Variants in ATAD3A observed in about 807,000 individuals in gnomAD.
ATAD3A encodes ATPase family AAA domain containing 3A, also known as ATPase family AAA domain-containing protein 3A.
A neutral mutation model predicts 73.8 loss-of-function variants in ATAD3A; 46 were observed. The observed-to-expected ratio is 0.62, with a 90% CI of 0.49 to 0.80. The LOEUF (loss-of-function observed/expected upper bound fraction) is 0.80, where lower values mean the gene tolerates loss of function less well. Ranked by LOEUF, ATAD3A falls within the 30% of genes least tolerant of loss-of-function variation. The pLI, the probability that ATAD3A is intolerant of heterozygous loss-of-function variation, is 0.00. For missense variants in ATAD3A, 705 were observed against 838.0 expected (o/e 0.84, Z 1.96); for synonymous variants, 319 against 350.0 (o/e 0.91, Z 0.99).
At chr1:1,522,646 C>T in intron 7 of ATAD3A, 98 bp from the exon 8 acceptor site, 2 of 1,568,142 alleles carry the variant, frequency 1.3e-6, no homozygotes, top group Non-Finnish European at 1.7e-6. Context: ...GTGCTTCTCC[C>T]TCGGGCGGAG....
Position 1,527,876 on chromosome 1 carries a change from C to T in ATAD3A, c.1505+14C>T. On this transcript the variant is annotated intron_variant, in intron 14 of 15. Coordinates refer to ENST00000378756, the MANE Select transcript of ATAD3A (RefSeq NM_001170535.3). ...AGAAGGAAAGCAGTAAGTGTCCCGCCCCACCAGCCCCCGTCCAGGGGCCCT... is the reference window on the plus strand; with the variant it reads ...AGAAGGAAAGCAGTAAGTGTCCCGCTCCACCAGCCCCCGTCCAGGGGCCCT... The T allele has an allele frequency of 6.2e-7, 1 of 1,607,600 alleles. No homozygotes were observed. The highest frequency in any genetic ancestry group is 8.5e-7 in the Non-Finnish European group (1 of 1,176,038).
At position 1,512,225 on chromosome 1, in the gene ATAD3A, C is replaced by T. The variant is rs756278855; in HGVS notation, c.-44C>T. 3.2e-5 allele frequency: 41 copies of T among 1,265,774 alleles called. No individual in the cohort carries two copies. The highest frequency in any genetic ancestry group is 3.8e-5 in the Non-Finnish European group (38 of 1,002,074). 78.4% of individuals were successfully genotyped at this position (1,265,774 alleles called of 1,614,324 possible). On this transcript the variant is annotated 5_prime_UTR_variant, in exon 1 of 16. Transcript: ENST00000378756. ...CTCCCAGCCGCGCGCGAGTCAGACT[C>T]GGGTGGGGGTCCCGGCGGCGGTAGC... is the stretch of plus-strand genomic sequence containing the variant.
Position 1,522,891 on chromosome 1 carries a change from C to T in ATAD3A, c.898C>T (p.Pro300Ser), listed in dbSNP as rs767383255. 1 of 1,608,074 alleles carries T rather than the reference C, an allele frequency of 6.2e-7. No homozygotes were observed. The change falls in exon 8 of 16, where the codon CCC becomes TCC. Residue 300 changes from proline to serine, a missense_variant. Physicochemically the swap from Pro to Ser is moderately conservative, Grantham distance 74 (BLOSUM62 -1). Around this residue, in one of 5 missense-constraint regions of ATAD3A, gnomAD observed 315 missense variants for 334.1 expected, o/e 0.94. Transcript: ENST00000378756. ...RITVLEALRH[P>S]IQVSRRLLSR... is the part of the protein sequence containing the mutation. ...CACGGTGCTTGAGGCGCTGCGGCAC[C>T]CCATCCAGGTAGCAGCGCAGGCCTG...
rs1383567790 is a variant in ATAD3A at position 1,520,928 on chromosome 1, C to T, written c.750+311C>T. On this transcript the variant is annotated intron_variant, in intron 7 of 15. Transcript: ENST00000378756. This position sits in a 1 kb window ranked among gnomAD's most constrained non-coding sequence, Gnocchi z 4.0. ...CTGAGGTAGGAGGATCACTTAAGCC[C>T]AGGGAGGTTGCAGCTGCACTGAGCT... Among the ~76,000 whole-genome samples, 2 of 152,238 alleles carry T rather than the reference C, an allele frequency of 1.3e-5. No individual in the cohort carries two copies. The highest frequency in any genetic ancestry group is 2.4e-5 in the African/African-American group (1 of 41,550).
In ATAD3A at chr1:1,517,313, G is replaced by T; in HGVS notation, c.285G>T (p.Glu95Asp). 1 of 1,546,600 alleles carries T rather than the reference G, an allele frequency of 6.5e-7. No individual in the cohort carries two copies. Among genetic ancestry groups the T allele is most frequent in the Non-Finnish European group, 8.7e-7 (1 of 1,146,664 alleles). ...LQLEQQSKLK[E>D]YEAAVEQLKS... is the part of the protein sequence containing the mutation. ...CTGGTGAGTGCTGTGCTCTGCAGGAGTATGAGGCCGCCGTGGAGCAGCTCA... is the reference window on the plus strand; with the variant it reads ...CTGGTGAGTGCTGTGCTCTGCAGGATTATGAGGCCGCCGTGGAGCAGCTCA... Residue 95 changes from glutamate to aspartate, a missense_variant and splice_region_variant, in exon 3 of 16, where the codon GAG becomes GAT. Glu to Asp is a conservative substitution (Grantham distance 45). Transcript: ENST00000378756.
chr1:1,525,173 G>T, intron 11 of ATAD3A, 67 bp from the exon 12 acceptor site: 1 of 1,607,316 alleles, frequency 6.2e-7, no homozygotes, highest in Non-Finnish European at 8.5e-7. Context: ...TCCTGCCGCG[G>T]CCGGACGCTG....
chr1:1,530,526 T>G (rs1641997269), intron 15 of ATAD3A, among the ~76,000 whole-genome samples: 1 of 145,232 alleles, frequency 6.9e-6, no homozygotes, highest in African/African-American at 2.8e-5. Context: ...AGCAAGACCC[T>G]GTCTTAAAAA....
intron 1 of ATAD3A, among the ~76,000 whole-genome samples, chr1:1,512,975 G>A (rs1476596630): frequency 6.6e-6 from 1 of 152,238 alleles, no homozygotes; most frequent in Admixed American, 6.5e-5. Context: ...CGAGGTCTGT[G>A]AAGCCACAGG....
chr1:1,522,982 T>C, intron 8 of ATAD3A, 83 bp downstream of exon 8: 1 of 1,539,848 alleles, frequency 6.5e-7, no homozygotes, highest in Non-Finnish European at 8.8e-7. Flanking sequence ...ACGCACACCC[T>C]CCCGTCCCTT....
At chr1:1,515,532 G>GT (rs1641327206) in intron 1 of ATAD3A, among the ~76,000 whole-genome samples, 2 of 152,142 alleles carry the variant, frequency 1.3e-5, no homozygotes, top group Admixed American at 1.3e-4. Context: ...GGAACAAAAC[G>GT]TAACTGAGGA....
At chr1:1,525,055 G>A (rs555211469) in intron 11 of ATAD3A, among the ~76,000 whole-genome samples, 185 bp from the exon 12 acceptor site, 7 of 152,312 alleles carry the variant, frequency 4.6e-5, no homozygotes, top group South Asian at 2.1e-4. Context: ...AGGCTGGGCC[G>A]TGGTCAGCTG....
rs1320013355 is a variant in ATAD3A at position 1,526,951 on chromosome 1, G to GT, written c.1337+421dup. 2.0e-5 allele frequency among the ~76,000 whole-genome samples: 3 copies of GT among 152,286 alleles called. No individual in the cohort carries two copies. The East Asian group carries it at 5.8e-4, about 29-fold the overall frequency. On this transcript the variant is annotated intron_variant, in intron 13 of 15. Transcript: ENST00000378756. ...GGGAAGTTGGACACCAGCAGGTCCT[G>GT]TGTGTCGGGGCGGAACCTGGGACCT... is the stretch of plus-strand genomic sequence containing the variant.
chr1:1,532,711 A>G (rs1026966418), intron 15 of ATAD3A, among the ~76,000 whole-genome samples: 1 of 152,122 alleles, frequency 6.6e-6, no homozygotes, highest in Non-Finnish European at 1.5e-5. Context: ...GTGGACCCTG[A>G]GGGTCCCTGC....
rs148625800 is a variant in ATAD3A at position 1,532,745 on chromosome 1, C to T, written c.1615-1181C>T. 1.5e-4 allele frequency among the ~76,000 whole-genome samples: 23 copies of T among 152,264 alleles called. No homozygotes were observed. In the South Asian group the frequency reaches 2.3e-3, roughly 15 times the overall value. On this transcript the variant is annotated intron_variant, in intron 15 of 15. Transcript: ENST00000378756. ...GCACCTGTTTGCCCTCTCTTGGGTGCGCTCAAGACCAAAAATGATGTTGAG... is the reference window on the plus strand; with the variant it reads ...GCACCTGTTTGCCCTCTCTTGGGTGTGCTCAAGACCAAAAATGATGTTGAG...
At chr1:1,531,797 A>G (rs1642044109) in intron 15 of ATAD3A, among the ~76,000 whole-genome samples, 1 of 151,376 alleles carries the variant, frequency 6.6e-6, no homozygotes, top group East Asian at 2.0e-4. Context: ...AAAATAAAAA[A>G]TAAAATAATA....
In ATAD3A at chr1:1,517,355, G is replaced by C. The variant is rs1379737629; in HGVS notation, c.327G>C (p.Arg109=). The change falls in exon 3 of 16, where the codon CGG becomes CGC. Residue 109 remains arginine (R), a synonymous_variant. Coordinates refer to ENST00000378756, the MANE Select transcript of ATAD3A (RefSeq NM_001170535.3). ...AGCAGCTCAAGAGCGAGCAGATCCG[G>C]GCGCAGGCTGAGGAGAGGAGGAAGA... ...AVEQLKSEQI[R]AQAEERRKTL... The C allele has an allele frequency of 3.1e-5, 48 of 1,539,956 alleles. No individual in the cohort carries two copies. Among genetic ancestry groups the C allele is most frequent in the Non-Finnish European group, 8.7e-7 (1 of 1,145,002 alleles).
intron 12 of ATAD3A, among the ~76,000 whole-genome samples, chr1:1,525,747 G>T (rs570093709): frequency 6.6e-6 from 1 of 150,742 alleles, no homozygotes; most frequent in East Asian, 2.0e-4. Flanking sequence ...GGTCTCTGTC[G>T]CCCAGGCTGG....
At position 1,520,124 on chromosome 1, in the gene ATAD3A, C is replaced by G. The variant is rs1178606328; in HGVS notation, c.515-17C>G. The G allele has an allele frequency of 7.5e-6, 12 of 1,606,704 alleles. No homozygotes were observed. Among genetic ancestry groups the G allele is most frequent in the Non-Finnish European group, 1.0e-5 (12 of 1,178,146 alleles). On this transcript the variant is annotated splice_polypyrimidine_tract_variant and intron_variant, in intron 5 of 15. Transcript: ENST00000378756. This position sits in a 1 kb window ranked among gnomAD's most constrained non-coding sequence, Gnocchi z 4.0. ...CTGCACTGCATGGTGCTGAGCTGCC[C>G]TGCCTCTCTGGGGCAGCCACCGTGG...
rs201410640 is a variant in ATAD3A at position 1,520,248 on chromosome 1, C to T, written c.622C>T (p.Arg208Cys). The change falls in exon 6 of 16, where the codon CGC becomes TGC. Residue 208 changes from arginine (R) to cysteine (C), a missense_variant. By Grantham distance (180) the Arg-to-Cys change is radical. This residue lies in a region of ATAD3A where 315 missense variants were observed against 334.1 expected (regional missense o/e 0.94). Coordinates refer to ENST00000378756, the MANE Select transcript of ATAD3A (RefSeq NM_001170535.3). The surrounding 1 kb of genome is among the most constrained non-coding windows in gnomAD (Gnocchi z 4.0). Reference protein sequence around the residue: ...KAERENADIIREQIRLKAAEH... With the variant: ...KAERENADIICEQIRLKAAEH... ...CGAGCGGGAGAATGCAGACATCATCCGCGAGCAGATCCGCCTGAAGGCGGC... is the reference window on the plus strand; with the variant it reads ...CGAGCGGGAGAATGCAGACATCATCTGCGAGCAGATCCGCCTGAAGGCGGC... 206 of 1,612,698 alleles carry T rather than the reference C, an allele frequency of 1.3e-4. No homozygotes were observed. Among genetic ancestry groups the T allele is most frequent in the Non-Finnish European group, 1.7e-4 (198 of 1,179,658 alleles).
Sources: gnomAD v4.1 joint callset for allele counts (sites outside exome capture counted in the v4.1 genomes callset) on GRCh38, gnomAD v4.1.1 for gene constraint, gnomAD v4.1.1 regional missense constraint, Gnocchi (gnomAD v3.1) non-coding constraint, MANE v1.5 for transcripts, NCBI Gene and HGNC (gene_info 2026-07-23, HGNC 2026-07-21) for gene names.